Variants in CDH4 observed in about 807,000 individuals in gnomAD.
The protein encoded by CDH4 is cadherin 4, also known as cadherin-4.
In CDH4, 33 loss-of-function variants were observed where a neutral mutation model predicts 86.0. The observed-to-expected ratio is 0.38, with a 90% CI of 0.29 to 0.51. The LOEUF is 0.51. Among genes scored for constraint, CDH4 ranks in the 20% least tolerant of loss-of-function variants. CDH4 has a pLI of 0.86. For missense variants in CDH4, 1,114 were observed against 1,307.4 expected, an observed-to-expected ratio of 0.85 and a Z score of 2.28; for synonymous variants, 555 against 549.4, an observed-to-expected ratio of 1.01 and a Z score of -0.14.
intron 2 of CDH4, among the ~76,000 whole-genome samples, chr20:61,537,697 C>A (rs2086007899): frequency 1.3e-5 from 2 of 152,120 alleles, no homozygotes; most frequent in Admixed American, 1.3e-4. Context: ...TTAAGCCATT[C>A]TCCTCCCTTT....
At chr20:61,846,723 C>T (rs1032343197) in intron 5 of CDH4, among the ~76,000 whole-genome samples, 1 of 152,226 alleles carries the variant, frequency 6.6e-6, no homozygotes, top group Non-Finnish European at 1.5e-5. Flanking sequence ...GGAGCCAACC[C>T]TTCAACTCTG....
chr20:61,743,783 A>C lies in CDH4; in HGVS notation c.390A>C (p.Gly130=), dbSNP rs2088375275. 6.3e-7 allele frequency: 1 copy of C among 1,596,858 alleles called. No individual in the cohort carries two copies. The highest frequency in any genetic ancestry group is 8.5e-7 in the Non-Finnish European group (1 of 1,172,010). The stretch of plus-strand genomic sequence containing the variant: ...CCCAGACCTCGTCCCCGCACTCTGG[A>C]CACAAGGTAAGGTGTGACCGCCCGG... ...LVAQTSSPHS[G]HKPQKGKKVV... Residue 130 remains glycine, a synonymous_variant, in exon 3 of 16, where the codon GGA becomes GGC. Transcript: ENST00000614565.
chr20:61,936,615 C>T lies in CDH4; in HGVS notation c.2545-122C>T, dbSNP rs941516943. 3.3e-5 allele frequency: 22 copies of T among 666,252 alleles called. No individual in the cohort carries two copies. In the African/African-American group the frequency reaches 4.0e-4, roughly 12 times the overall value. 41.3% of individuals were successfully genotyped at this position (666,252 alleles called of 1,614,324 possible). A position where few individuals can be genotyped will look rare whatever the true frequency, so the allele number is the denominator to read the frequency against. On this transcript the variant is annotated intron_variant, in intron 15 of 15. Coordinates refer to ENST00000614565, the MANE Select transcript of CDH4 (RefSeq NM_001794.5). ...TTAAATGCAGAGAGCCCTTATTGGA[C>T]ACCTACTTTATGCAACGTCCTACCT...
chr20:61,815,218 A>C (rs1980651806), intron 4 of CDH4, among the ~76,000 whole-genome samples: 1 of 152,176 alleles, frequency 6.6e-6, no homozygotes. Context: ...AGTCCTGTCT[A>C]ACCCCAAGGC....
chr20:61,742,431 C>T (rs1289682110), intron 2 of CDH4, among the ~76,000 whole-genome samples: 4 of 152,144 alleles, frequency 2.6e-5, no homozygotes, highest in African/African-American at 9.7e-5. Context: ...TCTTTCAAGG[C>T]AGGCAACAGT....
intron 2 of CDH4, among the ~76,000 whole-genome samples, chr20:61,303,703 G>A (rs1211080320): frequency 2.0e-5 from 3 of 152,200 alleles, no homozygotes; most frequent in Admixed American, 2.0e-4. Context: ...CTCTTTTCAG[G>A]GGAGCAGGGA....
chr20:61,887,404 A>AC (rs1984595183), intron 7 of CDH4, among the ~76,000 whole-genome samples: 1 of 151,940 alleles, frequency 6.6e-6, no homozygotes, highest in Non-Finnish European at 1.5e-5. Flanking sequence ...ACACACACAC[A>AC]ACACGCATGC....
At chr20:61,369,085 G>A (rs146384338) in intron 2 of CDH4, among the ~76,000 whole-genome samples, 6 of 152,196 alleles carry the variant, frequency 3.9e-5, no homozygotes, top group East Asian at 1.9e-4. Flanking sequence ...TGTATAGACC[G>A]ATTAAATCCA....
chr20:61,689,281 G>A (rs4925273), intron 2 of CDH4, among the ~76,000 whole-genome samples: 348 of 20,028 alleles, frequency 0.017, no homozygotes, highest in East Asian at 0.079. Flanking sequence ...TGGTTGGTGA[G>A]GTGATGTGGA....
intron 8 of CDH4, among the ~76,000 whole-genome samples, chr20:61,900,325 AGTGC>A (rs1985334638): frequency 6.9e-5 from 1 of 14,544 alleles, no homozygotes; most frequent in African/African-American, 9.0e-5. Context: ...TTGGGTGCAC[AGTGC>A]AAGCCTCGGC....
chr20:61,892,451 A>G (rs915410239), intron 7 of CDH4, among the ~76,000 whole-genome samples: 4 of 152,220 alleles, frequency 2.6e-5, no homozygotes, highest in Non-Finnish European at 5.9e-5. Flanking sequence ...GGAGGACACA[A>G]TAAACGTAAA....
At chr20:61,827,177 T>C (rs1444755795) in intron 4 of CDH4, among the ~76,000 whole-genome samples, 1 of 152,164 alleles carries the variant, frequency 6.6e-6, no homozygotes, top group Non-Finnish European at 1.5e-5. Context: ...TTACAATACA[T>C]TAACAAAGCA....
chr20:61,721,038 C>A (rs1243287319), intron 2 of CDH4, among the ~76,000 whole-genome samples: 1 of 152,164 alleles, frequency 6.6e-6, no homozygotes, highest in Non-Finnish European at 1.5e-5. Flanking sequence ...CGGCTCCCTG[C>A]CCTGAGCTCC....
At chr20:61,570,346 C>T (rs2086332366) in intron 2 of CDH4, 1 of 280,434 alleles carries the variant, frequency 3.6e-6, no homozygotes, top group Non-Finnish European at 6.8e-6. Context: ...GAGTGAAAAG[C>T]CACTTCCCAG....
intron 4 of CDH4, among the ~76,000 whole-genome samples, chr20:61,776,175 G>T (rs7265410): frequency 0.52 from 79,634 of 151,986 alleles, 21,056 homozygotes; most frequent in East Asian, 0.71. Flanking sequence ...CCCACCTTAC[G>T]CCACATCTGA....
At chr20:61,545,637 G>A (rs1472799468) in intron 2 of CDH4, among the ~76,000 whole-genome samples, 1 of 152,206 alleles carries the variant, frequency 6.6e-6, no homozygotes, top group African/African-American at 2.4e-5. Context: ...CAGCACTGGA[G>A]CTGCTGGCAG....
chr20:61,411,783 G>C (rs1277057360), intron 2 of CDH4, among the ~76,000 whole-genome samples: 3 of 152,224 alleles, frequency 2.0e-5, no homozygotes, highest in Non-Finnish European at 4.4e-5. Context: ...TCAGCACTGT[G>C]GGCCGATCAG....
chr20:61,686,922 C>T (rs1346795398), intron 2 of CDH4, among the ~76,000 whole-genome samples: 2 of 152,090 alleles, frequency 1.3e-5, no homozygotes, highest in Admixed American at 1.3e-4. Flanking sequence ...GTTAAAGCTT[C>T]CCCTCCAAAC....
At chr20:61,334,569 C>T (rs1488518535) in intron 2 of CDH4, among the ~76,000 whole-genome samples, 4 of 152,224 alleles carry the variant, frequency 2.6e-5, no homozygotes. Context: ...GCTTCCCTGA[C>T]CGTGCCTGTT....
Sources: gnomAD v4.1 joint callset for allele counts (sites outside exome capture counted in the v4.1 genomes callset) on GRCh38, gnomAD v4.1.1 for gene constraint, MANE v1.5 for transcripts, NCBI Gene and HGNC (gene_info 2026-07-23, HGNC 2026-07-21) for gene names.